The following AFG1L variants were observed in gnomAD, a reference collection of about 807,000 sequenced individuals.
AFG1L encodes AFG1-like ATPase.
A neutral mutation model predicts 62.2 loss-of-function variants in AFG1L; 53 were observed. The observed-to-expected ratio is 0.85, with a 90% CI of 0.68 to 1.07. The LOEUF (loss-of-function observed/expected upper bound fraction) is 1.07, where lower values mean the gene tolerates loss of function less well. Among genes scored for constraint, AFG1L ranks in the 50% least tolerant of loss-of-function variants. The probability of loss-of-function intolerance (pLI) is 0.00; values close to 1 mark genes in which losing one functional copy is unlikely to be tolerated. For synonymous variants in AFG1L, 228 were observed against 210.3 expected (o/e 1.08, Z -0.73); for missense variants, 555 against 590.5 (o/e 0.94, Z 0.62).
intron 7 of AFG1L, among the ~76,000 whole-genome samples, chr6:108,435,198 T>C (rs1771250194): frequency 6.6e-6 from 1 of 152,162 alleles, no homozygotes; most frequent in Admixed American, 6.5e-5. Flanking sequence ...ACATAACGAT[T>C]ATAAACCAGA....
intron 6 of AFG1L, among the ~76,000 whole-genome samples, chr6:108,371,812 A>G (rs1035300634): frequency 1.3e-5 from 2 of 152,174 alleles, no homozygotes; most frequent in African/African-American, 4.8e-5. Context: ...GCTGGAGTGC[A>G]GGGGTATGAT....
intron 5 of AFG1L, among the ~76,000 whole-genome samples, chr6:108,358,198 AAT>A (rs1779375741): frequency 6.6e-6 from 1 of 152,232 alleles, no homozygotes; most frequent in African/African-American, 2.4e-5. Context: ...GTGGTGAATC[AAT>A]AGAGGCCATT....
At chr6:108,328,030 A>G (rs1778122270) in intron 2 of AFG1L, among the ~76,000 whole-genome samples, 1 of 152,224 alleles carries the variant, frequency 6.6e-6, no homozygotes, top group South Asian at 2.1e-4. Flanking sequence ...GTTATAGGTA[A>G]TGATGAATTA....
At chr6:108,395,042 A>C (rs748417157) in intron 6 of AFG1L, among the ~76,000 whole-genome samples, 74 of 152,286 alleles carry the variant, frequency 4.9e-4, no homozygotes, top group South Asian at 2.3e-3. Flanking sequence ...TGAATCTTGA[A>C]ATCTAAATAG....
intron 7 of AFG1L, among the ~76,000 whole-genome samples, chr6:108,431,223 C>A (rs1013091262): frequency 6.6e-6 from 1 of 151,886 alleles, no homozygotes; most frequent in Non-Finnish European, 1.5e-5. Context: ...TCTGCCTCAG[C>A]CTCCTGAGTA....
intron 2 of AFG1L, among the ~76,000 whole-genome samples, chr6:108,343,207 G>A (rs989698526): frequency 6.6e-6 from 1 of 151,872 alleles, no homozygotes; most frequent in Non-Finnish European, 1.5e-5. Context: ...CTGCCACCAT[G>A]CCTGGCAAAT....
intron 1 of AFG1L, among the ~76,000 whole-genome samples, chr6:108,310,494 A>G (rs1777361181): frequency 6.6e-6 from 1 of 151,102 alleles, no homozygotes; most frequent in Non-Finnish European, 1.5e-5. Context: ...AAAGTTCTTT[A>G]TATATTCTGG....
At chr6:108,423,867 A>T (rs1770703186) in intron 7 of AFG1L, among the ~76,000 whole-genome samples, 1 of 152,096 alleles carries the variant, frequency 6.6e-6, no homozygotes, top group Non-Finnish European at 1.5e-5. Flanking sequence ...GGAAATCCTT[A>T]TCATGTATTC....
chr6:108,475,266 G>C (rs904362855), intron 8 of AFG1L, among the ~76,000 whole-genome samples: 2 of 152,312 alleles, frequency 1.3e-5, no homozygotes, highest in African/African-American at 4.8e-5. Flanking sequence ...ATTGGTACCA[G>C]TACCAGGCTG....
chr6:108,479,515 G>A (rs1462983628), intron 10 of AFG1L, among the ~76,000 whole-genome samples: 1 of 151,974 alleles, frequency 6.6e-6, no homozygotes, highest in Non-Finnish European at 1.5e-5. Flanking sequence ...AAGCTATGAG[G>A]GATCTTTCAG....
intron 3 of AFG1L, among the ~76,000 whole-genome samples, chr6:108,348,033 GA>G (rs1040884821): frequency 6.7e-5 from 10 of 149,534 alleles, no homozygotes; most frequent in African/African-American, 2.0e-4. Context: ...TTTAGGAAAA[GA>G]AAAAAAAAGG....
At chr6:108,507,972 A>C (rs1430604130) in intron 10 of AFG1L, among the ~76,000 whole-genome samples, 4 of 152,204 alleles carry the variant, frequency 2.6e-5, no homozygotes, top group Non-Finnish European at 4.4e-5. Context: ...TACTGATCCC[A>C]ATCATTTGAG....
chr6:108,483,705 G>C (rs541884519), intron 10 of AFG1L, among the ~76,000 whole-genome samples: 1 of 152,260 alleles, frequency 6.6e-6, no homozygotes, highest in East Asian at 1.9e-4. Context: ...AAAAAGTCTA[G>C]GCAGAAAAAT....
intron 6 of AFG1L, among the ~76,000 whole-genome samples, chr6:108,375,400 C>A (rs1055663751): frequency 6.6e-6 from 1 of 152,092 alleles, no homozygotes; most frequent in Non-Finnish European, 1.5e-5. Context: ...CTTTCTTATT[C>A]CAGTTCTCAA....
At chr6:108,493,845 T>TCTTCTGTTTTTGAGACA (rs1773861982) in intron 10 of AFG1L, among the ~76,000 whole-genome samples, 1 of 152,188 alleles carries the variant, frequency 6.6e-6, no homozygotes, top group Non-Finnish European at 1.5e-5. Context: ...ATCTTCTTTT[T>TCTTCTGTTTTTGAGACA]CTTCTGTTTT....
chr6:108,451,609 C>G (rs770282550), intron 8 of AFG1L, among the ~76,000 whole-genome samples: 3 of 152,150 alleles, frequency 2.0e-5, no homozygotes, highest in Non-Finnish European at 2.9e-5. Flanking sequence ...TGCAAATATC[C>G]AAACTTTTGC....
chr6:108,316,726 G>T (rs1188860347), intron 1 of AFG1L, among the ~76,000 whole-genome samples: 1 of 151,792 alleles, frequency 6.6e-6, no homozygotes, highest in East Asian at 2.0e-4. Flanking sequence ...TAGAGACGGG[G>T]TTTCACCGTG....
chr6:108,422,058 G>T (rs1770616300), intron 7 of AFG1L, among the ~76,000 whole-genome samples: 2 of 152,010 alleles, frequency 1.3e-5, no homozygotes, highest in Non-Finnish European at 2.9e-5. Flanking sequence ...TTTTTGGAAA[G>T]AACTTGTTTT....
At chr6:108,511,451 C>T (rs1273396598) in intron 11 of AFG1L, among the ~76,000 whole-genome samples, 1 of 152,166 alleles carries the variant, frequency 6.6e-6, no homozygotes, top group Non-Finnish European at 1.5e-5. Flanking sequence ...ATCTTAATCT[C>T]TCTGAGCTTC....
Sources: gnomAD v4.1 joint callset for allele counts (sites outside exome capture counted in the v4.1 genomes callset) on GRCh38, gnomAD v4.1.1 for gene constraint, MANE v1.5 for transcripts, NCBI Gene and HGNC (gene_info 2026-07-23, HGNC 2026-07-21) for gene names.